Variants in ZNF136 observed in about 807,000 individuals in gnomAD.
The protein encoded by ZNF136 is zinc finger protein 136, also known as zinc finger protein 136 (clone pHZ-20).
ZNF136 carries 8 observed loss-of-function variants against 11.4 expected under a neutral mutation model. The observed-to-expected ratio is 0.70, with a 90% confidence interval of 0.41 to 1.27. The LOEUF (loss-of-function observed/expected upper bound fraction) is 1.27, where lower values mean the gene tolerates loss of function less well. Ranked by LOEUF, ZNF136 falls within the 50% of genes most tolerant of loss-of-function variation. The pLI is 0.01. For synonymous variants in ZNF136, 190 were observed against 207.1 expected, an observed-to-expected ratio of 0.92 and a Z score of 0.71; for missense variants, 590 against 656.5, an observed-to-expected ratio of 0.90 and a Z score of 1.11.
Position 12,187,096 on chromosome 19 carries a change from C to T in ZNF136, c.718C>T (p.Arg240Ter), listed in dbSNP as rs773092857. Residue 240 changes from arginine (R) to a stop codon, truncating the protein, a stop_gained, in exon 4 of 4, where the codon CGA becomes TGA. Coordinates refer to ENST00000343979, the MANE Select transcript of ZNF136 (RefSeq NM_003437.5). LOFTEE classifies it low-confidence loss of function (END_TRUNC). ...GKAFTCITSV[R>*]RHMIKHTGDG... ...AGCCTTCACTTGTATCACAAGTGTT[C>T]GAAGACACATGATAAAGCACACTGG... 47 of 1,613,738 alleles carry T rather than the reference C, an allele frequency of 2.9e-5. No individual in the cohort carries two copies. Among genetic ancestry groups the T allele is most frequent in the Admixed American group, 3.3e-5 (2 of 59,958 alleles).
chr19:12,163,282 C>G, intron 1 of ZNF136, 76 bp downstream of exon 1: 2 of 1,329,164 alleles, frequency 1.5e-6, no homozygotes, highest in South Asian at 2.5e-5. Flanking sequence ...TGTGGCGCGG[C>G]CCGGGCCTTC....
At chr19:12,181,494 G>A (rs143812918) in intron 1 of ZNF136, among the ~76,000 whole-genome samples, 55 of 147,870 alleles carry the variant, frequency 3.7e-4, no homozygotes, top group African/African-American at 1.4e-3. Flanking sequence ...TTTTTTTTTG[G>A]TGGAGTCTCA....
chr19:12,172,847 A>C (rs1343454909), intron 1 of ZNF136, among the ~76,000 whole-genome samples: 1 of 152,102 alleles, frequency 6.6e-6, no homozygotes, highest in Non-Finnish European at 1.5e-5. Flanking sequence ...CCCTGTCTCT[A>C]CTAAAAATAC....
Position 12,187,594 on chromosome 19 carries a change from C to G in ZNF136, c.1216C>G (p.Pro406Ala). Residue 406 changes from proline to alanine, a missense_variant, in exon 4 of 4, where the codon CCA becomes GCA. By Grantham distance (27) the Pro-to-Ala change is conservative (BLOSUM62 -1). Transcript: ENST00000343979. Reference sequence around the variant, plus strand: ...TGGGAAACCCTTTCATTCTCTGAGTCCATTTCGAATACATGAAAGAACTCA... The same window carrying G: ...TGGGAAACCCTTTCATTCTCTGAGTGCATTTCGAATACATGAAAGAACTCA... ...VCGKPFHSLSPFRIHERTHTG... is the reference protein window; with the variant it reads ...VCGKPFHSLSAFRIHERTHTG... The G allele has an allele frequency of 6.2e-7, 1 of 1,612,392 alleles. No individual in the cohort carries two copies. The highest frequency in any genetic ancestry group is 8.5e-7 in the Non-Finnish European group (1 of 1,179,394).
chr19:12,163,460 T>A (rs1406743819), intron 1 of ZNF136, among the ~76,000 whole-genome samples: 1 of 152,226 alleles, frequency 6.6e-6, no homozygotes, highest in East Asian at 1.9e-4. Flanking sequence ...CTCTTCAGAT[T>A]GTGCGGGGCC....
At chr19:12,165,262 T>C (rs1181108342) in intron 1 of ZNF136, among the ~76,000 whole-genome samples, 1 of 152,118 alleles carries the variant, frequency 6.6e-6, no homozygotes, top group Non-Finnish European at 1.5e-5. Flanking sequence ...GTGAGCACTA[T>C]GGGGGTAGAG....
At position 12,189,656 on chromosome 19, in the gene ZNF136, T is replaced by G. The variant is rs1197130873; in HGVS notation, c.*1655T>G. On this transcript the variant is annotated 3_prime_UTR_variant, in exon 4 of 4. Transcript: ENST00000343979. ...CGTGTGAGCCATCACACCTAGCCCATTTTTTTTTTCTTGGCTCAAATAATT... is the reference window on the plus strand; with the variant it reads ...CGTGTGAGCCATCACACCTAGCCCAGTTTTTTTTTCTTGGCTCAAATAATT... 6.7e-6 allele frequency: 1 copy of G among 148,286 alleles called. No homozygotes were observed. Among genetic ancestry groups the G allele is most frequent in the African/African-American group, 2.5e-5 (1 of 39,748 alleles). 9.2% of individuals were successfully genotyped at this position (148,286 alleles called of 1,614,324 possible).
At chr19:12,164,462 T>G (rs1319955595) in intron 1 of ZNF136, among the ~76,000 whole-genome samples, 1 of 141,814 alleles carries the variant, frequency 7.1e-6, no homozygotes. Flanking sequence ...TTTTTTTTTT[T>G]GAGACGGAGT....
rs1234849531 is a variant in ZNF136 at position 12,187,403 on chromosome 19, G to A, written c.1025G>A (p.Gly342Asp). Residue 342 changes from glycine to aspartate, a missense_variant, in exon 4 of 4, where the codon GGT becomes GAT. Gly to Asp is a moderately conservative substitution (Grantham distance 94). Coordinates refer to ENST00000343979, the MANE Select transcript of ZNF136 (RefSeq NM_003437.5). Reference protein sequence around the residue: ...GEKPFVCKQCGKAFRSASTFQ... With the variant: ...GEKPFVCKQCDKAFRSASTFQ... ...AAACCCTTCGTATGTAAACAATGTG[G>A]TAAAGCCTTTAGATCTGCCAGTACC... 6.2e-7 allele frequency: 1 copy of A among 1,613,874 alleles called. No homozygotes were observed. The highest frequency in any genetic ancestry group is 8.5e-7 in the Non-Finnish European group (1 of 1,179,976).
chr19:12,186,056 C>T, intron 2 of ZNF136, 58 bp from the exon 3 acceptor site: 4 of 1,589,894 alleles, frequency 2.5e-6, no homozygotes, highest in Non-Finnish European at 3.4e-6. Context: ...AACCTAGAAT[C>T]TAATAATTTT....
Position 12,187,747 on chromosome 19 carries a change from T to C in ZNF136, c.1369T>C (p.Phe457Leu). The part of the protein sequence containing the change: ...PYECKQCGKA[F>L]SYLNSFRTHE... The stretch of plus-strand genomic sequence containing the variant: ...TGAGTGTAAGCAATGTGGGAAAGCC[T>C]TCAGTTATCTCAACTCCTTTCGAAC... The change falls in exon 4 of 4, where the codon TTC (phenylalanine) becomes CTC (leucine). Residue 457 changes from phenylalanine (F) to leucine (L), a missense_variant. Phe to Leu is a conservative substitution (Grantham distance 22, BLOSUM62 0). Transcript: ENST00000343979. 6.2e-7 allele frequency: 1 copy of C among 1,613,422 alleles called. No individual in the cohort carries two copies. The highest frequency in any genetic ancestry group is 8.5e-7 in the Non-Finnish European group (1 of 1,179,850).
At chr19:12,175,156 G>A (rs1216880080) in intron 1 of ZNF136, among the ~76,000 whole-genome samples, 2 of 151,956 alleles carry the variant, frequency 1.3e-5, no homozygotes, top group Admixed American at 6.6e-5. Flanking sequence ...GTGAAAGGAG[G>A]TCAGTTGAAG....
chr19:12,181,881 T>C (rs936874605), intron 1 of ZNF136, among the ~76,000 whole-genome samples: 4 of 152,154 alleles, frequency 2.6e-5, no homozygotes, highest in Non-Finnish European at 4.4e-5. Context: ...GCAATCCGCC[T>C]GTCTCTGCCT....
chr19:12,174,809 G>T (rs1599455096), intron 1 of ZNF136, among the ~76,000 whole-genome samples: 1 of 139,660 alleles, frequency 7.2e-6, no homozygotes, highest in Admixed American at 7.3e-5. Context: ...CTAATTTTTT[G>T]TATTTTTACT....
Position 12,185,819 on chromosome 19 carries a change from T to G in ZNF136, c.38T>G (p.Phe13Cys), listed in dbSNP as rs1915064416. The G allele has an allele frequency of 1.2e-6, 2 of 1,614,026 alleles. No homozygotes were observed. The highest frequency in any genetic ancestry group is 1.7e-6 in the Non-Finnish European group (2 of 1,179,982). ...GCTTTTGAGGATGTAGATGTGAACT[T>G]CACCCAGGAGGAGTGGGCTTTGCTA... ...SVAFEDVDVN[F>C]TQEEWALLDP... Residue 13 changes from phenylalanine (F) to cysteine (C), a missense_variant, in exon 2 of 4, where the codon TTC becomes TGC. Transcript: ENST00000343979.
chr19:12,186,667 C>T lies in ZNF136; in HGVS notation c.289C>T (p.Pro97Ser), dbSNP rs923846548. The change falls in exon 4 of 4, where the codon CCT becomes TCT. Residue 97 changes from proline (P) to serine (S), a missense_variant. Coordinates refer to ENST00000343979, the MANE Select transcript of ZNF136 (RefSeq NM_003437.5). The stretch of plus-strand genomic sequence containing the variant: ...AAATCAGAATCTGAGCAAGAAAATC[C>T]CTGGAGTGAAACTCTGTGAAAGCAT... ...FANQNLSKKI[P>S]GVKLCESIVY... is the part of the protein sequence containing the mutation. 1 of 1,614,026 alleles carries T rather than the reference C, an allele frequency of 6.2e-7. No individual in the cohort carries two copies. The highest frequency in any genetic ancestry group is 8.5e-7 in the Non-Finnish European group (1 of 1,180,000).
At chr19:12,168,041 TTTTTC>T in intron 1 of ZNF136, among the ~76,000 whole-genome samples, 1 of 150,282 alleles carries the variant, frequency 6.7e-6, no homozygotes, top group African/African-American at 2.4e-5. Context: ...TGCCCATTTT[TTTTTC>T]TTTTCTTTTT....
Position 12,187,236 on chromosome 19 carries a change from T to C in ZNF136, c.858T>C (p.Gly286=). 6.2e-7 allele frequency: 1 copy of C among 1,613,676 alleles called. No homozygotes were observed. The highest frequency in any genetic ancestry group is 8.5e-7 in the Non-Finnish European group (1 of 1,179,872). ...GEKPFKCKQC[G]KAFSCSPTLR... Reference sequence around the variant, plus strand: ...AACCCTTTAAATGTAAGCAATGTGGTAAAGCCTTCAGTTGTTCCCCAACCT... The same window carrying C: ...AACCCTTTAAATGTAAGCAATGTGGCAAAGCCTTCAGTTGTTCCCCAACCT... Residue 286 remains glycine (G), a synonymous_variant, in exon 4 of 4, where the codon GGT becomes GGC. Transcript: ENST00000343979.
rs1276851806 is a variant in ZNF136, at chr19:12,188,796, A to G, written c.*795A>G. The stretch of plus-strand genomic sequence containing the variant: ...AACATAGCAAGACCTCATCTCAGAA[A>G]AAAAAAAAAAGTCATTTGAAAACTT... On this transcript the variant is annotated 3_prime_UTR_variant, in exon 4 of 4. Coordinates refer to ENST00000343979, the MANE Select transcript of ZNF136 (RefSeq NM_003437.5). 6.6e-6 allele frequency: 1 copy of G among 152,028 alleles called. No homozygotes were observed. The highest frequency in any genetic ancestry group is 1.5e-5 in the Non-Finnish European group (1 of 68,004). 9.4% of individuals were successfully genotyped at this position (152,028 alleles called of 1,614,324 possible). A position where few individuals can be genotyped will look rare whatever the true frequency, so the allele number is the denominator to read the frequency against.
Sources: allele counts gnomAD v4.1 joint callset (sites outside exome capture counted in the v4.1 genomes callset), GRCh38; gene constraint gnomAD v4.1.1; transcripts MANE v1.5; gene names NCBI Gene and HGNC (gene_info 2026-07-23, HGNC 2026-07-21).